Variants in RUFY3 observed in about 807,000 individuals in gnomAD.
RUFY3 encodes the protein RUN and FYVE domain containing 3.
A neutral mutation model predicts 84.0 loss-of-function variants in RUFY3; 34 were observed. That is an observed-to-expected ratio of 0.40 (90% CI 0.31 to 0.54). The LOEUF (loss-of-function observed/expected upper bound fraction) is 0.54, where lower values mean the gene tolerates loss of function less well. Ranked by LOEUF, RUFY3 falls within the 20% of genes least tolerant of loss-of-function variation. RUFY3 has a pLI of 0.39. For synonymous variants in RUFY3, 242 were observed against 252.9 expected (o/e 0.96, Z 0.41); for missense variants, 507 against 736.8 (o/e 0.69, Z 3.61).
chr4:70,713,998 T>C (rs1233558486), intron 1 of RUFY3, among the ~76,000 whole-genome samples: 1 of 152,226 alleles, frequency 6.6e-6, no homozygotes, highest in Non-Finnish European at 1.5e-5. Context: ...TGGTGACATT[T>C]ACTTACTGCT....
At chr4:70,801,163 C>CAAAAA (rs561597683) in intron 15 of RUFY3, among the ~76,000 whole-genome samples, 2 of 64,272 alleles carry the variant, frequency 3.1e-5, no homozygotes, top group Non-Finnish European at 7.4e-5. Flanking sequence ...ACTATGGAGA[C>CAAAAA]AAAAAAAAAA....
At chr4:70,775,944 C>CAAAAAAAAAAAAA (rs11369578) in intron 7 of RUFY3, among the ~76,000 whole-genome samples, 2,695 of 131,776 alleles carry the variant, frequency 0.02, 52 homozygotes, top group African/African-American at 0.044. Context: ...CTGTCTTAAA[C>CAAAAAAAAAAAAA]AAAAAAAAAA....
intron 7 of RUFY3, among the ~76,000 whole-genome samples, chr4:70,777,738 CAATAACGCA>C (rs1440322668): frequency 2.6e-5 from 4 of 152,118 alleles, no homozygotes; most frequent in Non-Finnish European, 5.9e-5. Context: ...GGAATAAATG[CAATAACGCA>C]AATAACGTAA....
At chr4:70,778,290 G>A in intron 7 of RUFY3, 79 bp from the exon 8 acceptor site, 1 of 652,542 alleles carries the variant, frequency 1.5e-6, no homozygotes, top group East Asian at 2.8e-5. Flanking sequence ...TGAAGGATAA[G>A]TGTGAAGGGT....
chr4:70,767,259 A>AT (rs779388140), intron 4 of RUFY3, among the ~76,000 whole-genome samples: 2,134 of 49,702 alleles, frequency 0.043, 205 homozygotes, highest in Non-Finnish European at 0.061. Flanking sequence ...CTAATTTTGT[A>AT]TTTTTTTTTT....
Position 70,806,601 on chromosome 4 carries a change from G to T in RUFY3, c.1805G>T (p.Arg602Leu), listed in dbSNP as rs114009356. 25 of 1,614,012 alleles carry T rather than the reference G, an allele frequency of 1.5e-5. No homozygotes were observed. The highest frequency in any genetic ancestry group is 3.3e-5 in the Admixed American group (2 of 59,992). ...LPLPSSIKLE[R>L]VCNPCHKHLM... is the part of the protein sequence containing the mutation. ...CTTCCTTCAAGTATCAAGCTTGAGC[G>T]AGTTTGCAATCCCTGTCACAAGCAT... Residue 602 changes from arginine to leucine, a missense_variant, in exon 18 of 18, where the codon CGA (arginine) becomes CTA (leucine). Physicochemically the swap from Arg to Leu is moderately radical, Grantham distance 102. Coordinates refer to ENST00000381006, the MANE Select transcript of RUFY3 (RefSeq NM_001037442.4).
chr4:70,733,170 GAAA>G (rs1719736056), intron 1 of RUFY3, among the ~76,000 whole-genome samples: 2 of 147,054 alleles, frequency 1.4e-5, no homozygotes, highest in South Asian at 2.2e-4. Context: ...GAGAGAGAAA[GAAA>G]GAAAGAAAAA....
At chr4:70,785,377 T>C (rs1248049058) in intron 10 of RUFY3, among the ~76,000 whole-genome samples, 1 of 152,134 alleles carries the variant, frequency 6.6e-6, no homozygotes, top group Non-Finnish European at 1.5e-5. Flanking sequence ...TATCAATATA[T>C]AGATAGAGAG....
intron 1 of RUFY3, among the ~76,000 whole-genome samples, chr4:70,759,366 GTGTGTA>G (rs746368499): frequency 0.056 from 4,510 of 81,102 alleles, 160 homozygotes; most frequent in East Asian, 0.28. Flanking sequence ...TTGTGTGTGT[GTGTGTA>G]TGTGTGTGTG....
chr4:70,794,775 T>C lies in RUFY3; in HGVS notation c.1458-20T>C, dbSNP rs1246002616. ...ATAGAATTCCAATTTTTCATCCTTT[T>C]CCTCTCCAACTTACCTCAGGAACCA... On this transcript the variant is annotated intron_variant, in intron 13 of 17. Transcript: ENST00000381006. The C allele has an allele frequency of 6.5e-7, 1 of 1,532,466 alleles. No individual in the cohort carries two copies. Among genetic ancestry groups the C allele is most frequent in the South Asian group, 1.1e-5 (1 of 88,602 alleles). 94.9% of individuals were successfully genotyped at this position (1,532,466 alleles called of 1,614,324 possible). A position where few individuals can be genotyped will look rare whatever the true frequency, so the allele number is the denominator to read the frequency against.
At position 70,764,482 on chromosome 4, in the gene RUFY3, G is replaced by A. The variant is rs1201752696; in HGVS notation, c.478G>A (p.Val160Ile). 4 of 1,610,542 alleles carry A rather than the reference G, an allele frequency of 2.5e-6. No individual in the cohort carries two copies. Among genetic ancestry groups the A allele is most frequent in the African/African-American group, 1.3e-5 (1 of 74,810 alleles). The part of the protein sequence containing the change: ...VKDLPGLKTP[V>I]GRGRAWLRLA... ...ATTTCTGTGTTTTTGTAGGACACCA[G>A]TAGGTAGAGGAAGAGCCTGGCTTCG... is the stretch of plus-strand genomic sequence containing the variant. The change falls in exon 4 of 18, where the codon GTA (valine) becomes ATA (isoleucine). Residue 160 changes from valine to isoleucine, a missense_variant. This residue lies in a region of RUFY3 where 133 missense variants were observed against 301.1 expected (regional missense o/e 0.44). Transcript: ENST00000381006.
chr4:70,789,620 A>C, intron 12 of RUFY3, 28 bp downstream of exon 12: 1 of 1,606,866 alleles, frequency 6.2e-7, no homozygotes. Context: ...TTAATGAAAC[A>C]CTTTGGATTG....
intron 8 of RUFY3, 43 bp downstream of exon 8, chr4:70,778,481 T>C (rs1279663138): frequency 6.6e-6 from 7 of 1,060,266 alleles, no homozygotes; most frequent in Non-Finnish European, 1.0e-5. Flanking sequence ...GAATTTAATA[T>C]GCATTAGTAG....
intron 16 of RUFY3, 132 bp from the exon 17 acceptor site, chr4:70,804,216 A>G (rs1446050806): frequency 3.1e-6 from 2 of 654,298 alleles, no homozygotes; most frequent in Non-Finnish European, 5.4e-6. Flanking sequence ...AGGACTACCT[A>G]TTTATAATTG....
chr4:70,704,711 C>T (rs944052194), upstream of RUFY3: 2 of 309,002 alleles, frequency 6.5e-6, no homozygotes, highest in Non-Finnish European at 1.2e-5. Context: ...GGTAGCGAGG[C>T]CGCGCCGTCG....
intron 1 of RUFY3, among the ~76,000 whole-genome samples, chr4:70,727,593 C>T (rs1328568124): frequency 1.3e-5 from 2 of 151,366 alleles, no homozygotes; most frequent in Admixed American, 1.3e-4. Flanking sequence ...TGACCTCAGG[C>T]GATCCACCCA....
intron 4 of RUFY3, among the ~76,000 whole-genome samples, chr4:70,765,111 C>T (rs1202843524): frequency 6.7e-6 from 1 of 150,050 alleles, no homozygotes; most frequent in Middle Eastern, 3.3e-3. Flanking sequence ...TCGCTTGGAC[C>T]TGGGAAGTAG....
Position 70,802,946 on chromosome 4 carries a change from T to C in RUFY3, c.1623-10T>C, listed in dbSNP as rs751817693. The C allele has an allele frequency of 1.3e-6, 2 of 1,594,370 alleles. No homozygotes were observed. Among genetic ancestry groups the C allele is most frequent in the South Asian group, 2.3e-5 (2 of 87,790 alleles). On this transcript the variant is annotated splice_polypyrimidine_tract_variant and intron_variant, in intron 15 of 17. Coordinates refer to ENST00000381006, the MANE Select transcript of RUFY3 (RefSeq NM_001037442.4). ...CCTATTTGTCACAATTTTTTACTTC[T>C]CCATTGTAGGCTGCAACCCCACCCT...
intron 1 of RUFY3, among the ~76,000 whole-genome samples, chr4:70,739,847 C>T (rs1171544557): frequency 2.7e-5 from 4 of 147,404 alleles, no homozygotes; most frequent in African/African-American, 7.7e-5. Flanking sequence ...AAAAAAAAGC[C>T]GGGTGCAGTG....
Sources: gnomAD v4.1 joint callset for allele counts (sites outside exome capture counted in the v4.1 genomes callset) on GRCh38, gnomAD v4.1.1 for gene constraint, gnomAD v4.1.1 regional missense constraint, MANE v1.5 for transcripts, NCBI Gene and HGNC (gene_info 2026-07-23, HGNC 2026-07-21) for gene names.